MAST3: variants seen among roughly 807,000 people sequenced by gnomAD.
MAST3 encodes microtubule-associated serine/threonine-protein kinase 3.
Under a neutral mutation model 127.0 loss-of-function variants are expected in MAST3, and 43 were observed. The observed-to-expected ratio is 0.34, with a 90% CI of 0.27 to 0.44. The LOEUF (loss-of-function observed/expected upper bound fraction) is 0.44, where lower values mean the gene tolerates loss of function less well. Ranked by LOEUF, MAST3 falls within the 20% of genes least tolerant of loss-of-function variation. The pLI is 1.00. For missense variants in MAST3, 1,390 were observed against 1,919.1 expected (o/e 0.72, Z 5.15); for synonymous variants, 785 against 809.2 (o/e 0.97, Z 0.51).
chr19:18,105,713 C>T (rs887142598), intron 1 of MAST3, among the ~76,000 whole-genome samples: 7 of 151,986 alleles, frequency 4.6e-5, no homozygotes, highest in Non-Finnish European at 1.0e-4. Flanking sequence ...CCCTCTTGGG[C>T]AGCCCATGTC....
chr19:18,138,575 A>G (rs534652322), intron 19 of MAST3, among the ~76,000 whole-genome samples: 1 of 152,130 alleles, frequency 6.6e-6, no homozygotes, highest in South Asian at 2.1e-4. Context: ...TCGACTCACC[A>G]CAACCTCTGC....
rs573269402 is a variant in MAST3 at position 18,132,191 on chromosome 19, C to A, written c.1571+144C>A. ...CCCATCTGTCTGAGCTCTGTTGGTA[C>A]CTCCTGACAGGAAGGCAGGGAATGA... On this transcript the variant is annotated intron_variant, in intron 15 of 27. Transcript: ENST00000687212. 2.6e-6 allele frequency: 3 copies of A among 1,142,130 alleles called. No homozygotes were observed. In the South Asian group the frequency reaches 4.7e-5, roughly 18 times the overall value. The allele number at this position is 1,142,130 out of a possible 1,614,324, so 70.7% of individuals were successfully genotyped here. A position where few individuals can be genotyped will look rare whatever the true frequency, so the allele number is the denominator to read the frequency against.
intron 20 of MAST3, among the ~76,000 whole-genome samples, chr19:18,140,470 T>C (rs1282463336): frequency 6.6e-6 from 1 of 152,226 alleles, no homozygotes; most frequent in African/African-American, 2.4e-5. Flanking sequence ...AGCTCTCAAA[T>C]GTTTGATTCC....
At position 18,145,469 on chromosome 19, in the gene MAST3, C is replaced by T. The variant is rs2042929771; in HGVS notation, c.3039+240C>T. Among the ~76,000 whole-genome samples the T allele has an allele frequency of 1.3e-5, 2 of 152,200 alleles. No homozygotes were observed. The highest frequency in any genetic ancestry group is 1.5e-5 in the Non-Finnish European group (1 of 68,018). On this transcript the variant is annotated intron_variant, in intron 24 of 27. Transcript: ENST00000687212. This position sits in a 1 kb window ranked among gnomAD's most constrained non-coding sequence, Gnocchi z 5.9. ...AACCTCCCAGCTCCATATGGGGACG[C>T]ACTGGGCATGTTATCCTCCCTCTCC...
intron 15 of MAST3, among the ~76,000 whole-genome samples, chr19:18,134,316 T>C (rs1475093167): frequency 1.3e-5 from 2 of 151,736 alleles, no homozygotes; most frequent in African/African-American, 4.8e-5. Flanking sequence ...CTTTCAAAGG[T>C]GGGAGGATTG....
rs376467877 is a variant in MAST3, at chr19:18,145,793, C to T, written c.3090C>T (p.Asp1030=). Residue 1030 remains aspartate, a synonymous_variant, in exon 25 of 28, where the codon GAC becomes GAT. Coordinates refer to ENST00000687212, the MANE Select transcript of MAST3 (RefSeq NM_001393504.1). This position sits in a 1 kb window ranked among gnomAD's most constrained non-coding sequence, Gnocchi z 5.9. ...AGGAGGCGGGCCTGCGGGCTGGGGACCTCATCACCCACATCAACGGGGAGT... is the reference window on the plus strand; with the variant it reads ...AGGAGGCGGGCCTGCGGGCTGGGGATCTCATCACCCACATCAACGGGGAGT... The part of the protein sequence containing the change: ...PAQEAGLRAG[D]LITHINGESV... 11 of 1,591,090 alleles carry T rather than the reference C, an allele frequency of 6.9e-6. No homozygotes were observed. The East Asian group carries it at 1.6e-4, about 23-fold the overall frequency.
chr19:18,121,242 A>G (rs1215657718), intron 3 of MAST3, among the ~76,000 whole-genome samples: 2 of 150,252 alleles, frequency 1.3e-5, no homozygotes, highest in African/African-American at 4.9e-5. Context: ...GGCAGCCTTG[A>G]CCTCCTGAGG....
intron 11 of MAST3, 82 bp downstream of exon 11, chr19:18,124,856 A>T: frequency 6.8e-7 from 1 of 1,473,594 alleles, no homozygotes; most frequent in South Asian, 1.4e-5. Context: ...CTTTAATACC[A>T]GCACTTTGGG....
At chr19:18,130,844 G>A (rs1043030411) in intron 14 of MAST3, 142 bp downstream of exon 14, 2 of 846,592 alleles carry the variant, frequency 2.4e-6, no homozygotes, top group African/African-American at 1.7e-5. Context: ...AGGAACCCCA[G>A]TCTGGGGTAG....
Position 18,147,434 on chromosome 19 carries a change from T to G in MAST3, c.3327-9T>G, listed in dbSNP as rs777220345. On this transcript the variant is annotated splice_polypyrimidine_tract_variant and intron_variant, in intron 26 of 27. Transcript: ENST00000687212. ...AGGGGTTCTGAAGCCTCCGGTTTTC[T>G]TACCCCAGGCGGAAGTCACTTTTCA... The G allele has an allele frequency of 6.2e-7, 1 of 1,613,002 alleles. No homozygotes were observed. Among genetic ancestry groups the G allele is most frequent in the African/African-American group, 1.3e-5 (1 of 74,948 alleles).
rs747268580 is a variant in MAST3 at position 18,145,235 on chromosome 19, T to C, written c.3039+6T>C. 22 of 1,611,078 alleles carry C rather than the reference T, an allele frequency of 1.4e-5. No individual in the cohort carries two copies. The African/African-American group carries it at 1.9e-4, about 14-fold the overall frequency. ...CTGTGCACCACGTCGTCTGGGTGAG[T>C]GCCGAGTGGGAATGGCAGGGACCCG... On this transcript the variant is annotated splice_donor_region_variant and intron_variant, in intron 24 of 27. Transcript: ENST00000687212. This position sits in a 1 kb window ranked among gnomAD's most constrained non-coding sequence, Gnocchi z 5.9.
At position 18,110,329 on chromosome 19, in the gene MAST3, C is replaced by T. The variant is rs895672054; in HGVS notation, c.72-323C>T. The T allele has an allele frequency of 1.0e-6, 1 of 985,468 alleles. No individual in the cohort carries two copies. Among genetic ancestry groups the T allele is most frequent in the Non-Finnish European group, 1.2e-6 (1 of 830,042 alleles). The allele number at this position is 985,468 out of a possible 1,614,324, so 61.0% of individuals were successfully genotyped here. On this transcript the variant is annotated intron_variant, in intron 2 of 27. Coordinates refer to ENST00000687212, the MANE Select transcript of MAST3 (RefSeq NM_001393504.1). This position sits in a 1 kb window ranked among gnomAD's most constrained non-coding sequence, Gnocchi z 4.3. ...CGGCCTCTGCCTCGGCATGAAGTCCCGCAGGGACAAGCTGCACATCCCGGC... is the reference window on the plus strand; with the variant it reads ...CGGCCTCTGCCTCGGCATGAAGTCCTGCAGGGACAAGCTGCACATCCCGGC...
chr19:18,132,522 T>C (rs897483393), intron 15 of MAST3, among the ~76,000 whole-genome samples: 1 of 152,140 alleles, frequency 6.6e-6, no homozygotes, highest in Non-Finnish European at 1.5e-5. Context: ...TGCTGTATAT[T>C]AGTGCAGGAA....
intron 13 of MAST3, 24 bp downstream of exon 13, chr19:18,128,975 A>G (rs565293557): frequency 3.1e-6 from 5 of 1,600,500 alleles, no homozygotes; most frequent in Non-Finnish European, 4.3e-6. Flanking sequence ...TCCTGCATAG[A>G]CCCATTTCAC....
rs189158282 is a variant in MAST3 at position 18,102,070 on chromosome 19, C to A, written c.39+4239C>A. Reference sequence around the variant, plus strand: ...TAATTTTTTGTATTTTTAGCAGAGACGGGCTTTCACCGTGTTAGCCAGGAT... The same window carrying A: ...TAATTTTTTGTATTTTTAGCAGAGAAGGGCTTTCACCGTGTTAGCCAGGAT... On this transcript the variant is annotated intron_variant, in intron 1 of 27. Transcript: ENST00000687212. Among the ~76,000 whole-genome samples, 992 of 151,340 alleles carry A rather than the reference C, an allele frequency of 6.6e-3. 10 individuals are homozygous for A. Among genetic ancestry groups the A allele is most frequent in the African/African-American group, 0.021 (873 of 41,212 alleles).
intron 20 of MAST3, among the ~76,000 whole-genome samples, chr19:18,140,010 G>A (rs1305174941): frequency 3.3e-5 from 5 of 149,970 alleles, no homozygotes; most frequent in Non-Finnish European, 5.9e-5. Flanking sequence ...CAGTAGAGAC[G>A]GGGTTTCACC....
chr19:18,148,195 G>A (rs908042345), intron 27 of MAST3, among the ~76,000 whole-genome samples: 2 of 152,120 alleles, frequency 1.3e-5, no homozygotes, highest in African/African-American at 2.4e-5. Context: ...CAGCTACTAG[G>A]GAGGCTGAGG....
chr19:18,145,404 A>G lies in MAST3; in HGVS notation c.3039+175A>G, dbSNP rs1014170042. The stretch of plus-strand genomic sequence containing the variant: ...GGGAGGAGGTCAGATGAGAGAGACA[A>G]GGATGGATGGATGGAAGCTCACAGA... On this transcript the variant is annotated intron_variant, in intron 24 of 27. Coordinates refer to ENST00000687212, the MANE Select transcript of MAST3 (RefSeq NM_001393504.1). This position sits in a 1 kb window ranked among gnomAD's most constrained non-coding sequence, Gnocchi z 5.9. 3.0e-4 allele frequency among the ~76,000 whole-genome samples: 45 copies of G among 152,110 alleles called. No individual in the cohort carries two copies. Among genetic ancestry groups the G allele is most frequent in the Non-Finnish European group, 5.7e-4 (39 of 68,016 alleles).
chr19:18,149,431 C>G lies in MAST3; in HGVS notation c.3749C>G (p.Pro1250Arg). The G allele has an allele frequency of 6.6e-7, 1 of 1,509,352 alleles. No individual in the cohort carries two copies. Among genetic ancestry groups the G allele is most frequent in the Non-Finnish European group, 8.8e-7 (1 of 1,133,476 alleles). 93.5% of individuals were successfully genotyped at this position (1,509,352 alleles called of 1,614,324 possible). A position where few individuals can be genotyped will look rare whatever the true frequency, so the allele number is the denominator to read the frequency against. The change falls in exon 28 of 28, where the codon CCT becomes CGT. Residue 1250 changes from proline (P) to arginine (R), a missense_variant. Pro to Arg is a moderately radical substitution (Grantham distance 103). Around this residue, in one of 5 missense-constraint regions of MAST3, gnomAD observed 816 missense variants for 934.1 expected, o/e 0.87. Coordinates refer to ENST00000687212, the MANE Select transcript of MAST3 (RefSeq NM_001393504.1). The surrounding 1 kb of genome is among the most constrained non-coding windows in gnomAD (Gnocchi z 5.9). ...CCCCTGCCCGGGCACCCGCCCGCAC[C>G]TGCCCGATCCCCGCGGCTGCGCCGG... is the stretch of plus-strand genomic sequence containing the variant. ...PSPLPGHPPA[P>R]ARSPRLRRGQ...
Sources: allele counts gnomAD v4.1 joint callset (sites outside exome capture counted in the v4.1 genomes callset), GRCh38; gene constraint gnomAD v4.1.1; regional missense constraint gnomAD v4.1.1; non-coding constraint Gnocchi (gnomAD v3.1); transcripts MANE v1.5; gene names NCBI Gene and HGNC (gene_info 2026-07-23, HGNC 2026-07-21).